CPSF3: variants seen among roughly 807,000 people sequenced by gnomAD.
CPSF3 encodes the protein cleavage and polyadenylation specificity factor subunit 3.
A neutral mutation model predicts 84.1 loss-of-function variants in CPSF3; 57 were observed. The ratio of observed to expected loss-of-function variants is 0.68; its 90% CI spans 0.55 to 0.85. CPSF3 has a LOEUF of 0.85. Among genes scored for constraint, CPSF3 ranks in the 40% least tolerant of loss-of-function variants. CPSF3 has a pLI of 0.00. For synonymous variants in CPSF3, 275 were observed against 278.1 expected (o/e 0.99, Z 0.11); for missense variants, 522 against 838.8 (o/e 0.62, Z 4.66).
At chr2:9,442,030 G>C in intron 9 of CPSF3, 54 bp downstream of exon 9, 1 of 1,571,398 alleles carries the variant, frequency 6.4e-7, no homozygotes, top group Non-Finnish European at 8.7e-7. Flanking sequence ...CACGGAGGTG[G>C]CACGGTCCTC....
At chr2:9,459,781 T>G (rs1049439833) in intron 15 of CPSF3, among the ~76,000 whole-genome samples, 163 bp downstream of exon 15, 1 of 151,230 alleles carries the variant, frequency 6.6e-6, no homozygotes, top group Non-Finnish European at 1.5e-5. Flanking sequence ...TCCCAAGGTG[T>G]TGGGATTATA....
intron 8 of CPSF3, 71 bp downstream of exon 8, chr2:9,440,737 C>G: frequency 6.8e-7 from 1 of 1,471,826 alleles, no homozygotes; most frequent in Non-Finnish European, 9.4e-7. Flanking sequence ...AGGTACGAGG[C>G]CGTGAGTGAT....
At chr2:9,470,854 GCTGTGTATTTTCC>G (rs534690098) in intron 16 of CPSF3, among the ~76,000 whole-genome samples, 10 of 152,340 alleles carry the variant, frequency 6.6e-5, no homozygotes, top group Admixed American at 2.0e-4. Flanking sequence ...CTTGAATAAA[GCTGTGTATTTTCC>G]CTGTTTTATA....
In CPSF3 at chr2:9,448,343, T is replaced by A. The variant is rs1681193837; in HGVS notation, c.1388T>A (p.Leu463Gln). The A allele has an allele frequency of 6.2e-7, 1 of 1,611,358 alleles. No individual in the cohort carries two copies. The part of the protein sequence containing the change: ...AVTLNFRGEK[L>Q]AKVMGFLADK... ...ACCTTAAACTTCAGAGGAGAAAAAC[T>A]AGCCAAGGTAAAAGGTTATGGTTCC... The change falls in exon 11 of 18, where the codon CTA (leucine) becomes CAA (glutamine). Residue 463 changes from leucine (L) to glutamine (Q), a missense_variant. Coordinates refer to ENST00000238112, the MANE Select transcript of CPSF3 (RefSeq NM_016207.4).
In CPSF3 at chr2:9,459,638, CTTTTTTTTTTTTTTTTTT is replaced by C. The variant is rs543727439; in HGVS notation, c.1786+31_1786+48del. 1.4e-4 allele frequency: 43 copies of C among 310,492 alleles called. No individual in the cohort carries two copies. Among genetic ancestry groups the C allele is most frequent in the Non-Finnish European group, 2.2e-4 (40 of 181,686 alleles). The allele number at this position is 310,492 out of a possible 1,614,324, so 19.2% of individuals were successfully genotyped here. A position where few individuals can be genotyped will look rare whatever the true frequency, so the allele number is the denominator to read the frequency against. On this transcript the variant is annotated intron_variant, in intron 15 of 17. Coordinates refer to ENST00000238112, the MANE Select transcript of CPSF3 (RefSeq NM_016207.4). ...GAAAAGGTAAGAGTTCATTTTTATC[CTTTTTTTTTTTTTTTTTT>C]TTTTTTTTTTGGAGACGGATACTAG...
At chr2:9,455,411 G>C (rs1243948940) in intron 12 of CPSF3, among the ~76,000 whole-genome samples, 1 of 152,156 alleles carries the variant, frequency 6.6e-6, no homozygotes. Flanking sequence ...TGGGATTACA[G>C]GCATGAGCCA....
intron 15 of CPSF3, among the ~76,000 whole-genome samples, chr2:9,466,382 GCACACACGCGCACACA>G (rs1320122710): frequency 4.2e-5 from 3 of 70,668 alleles, no homozygotes; most frequent in Non-Finnish European, 8.3e-5. Context: ...CCACGCACTC[GCACACACGCGCACACA>G]CACGCACGCG....
chr2:9,456,598 C>G (rs1681538517), intron 13 of CPSF3, among the ~76,000 whole-genome samples: 2 of 152,174 alleles, frequency 1.3e-5, no homozygotes, highest in Non-Finnish European at 1.5e-5. Context: ...ATGAAACTAG[C>G]TGGCAACAAT....
intron 16 of CPSF3, 80 bp downstream of exon 16, chr2:9,467,856 A>G: frequency 8.8e-7 from 1 of 1,139,826 alleles, no homozygotes; most frequent in Non-Finnish European, 1.3e-6. Context: ...TGACTCCTTC[A>G]AGGACTGGGG....
intron 15 of CPSF3, among the ~76,000 whole-genome samples, chr2:9,461,827 T>C (rs2124860726): frequency 7.0e-6 from 1 of 143,552 alleles, no homozygotes; most frequent in Admixed American, 7.0e-5. Flanking sequence ...AGTGGCACCA[T>C]CTCGGCTCAC....
At chr2:9,440,864 A>G (rs1312757357) in intron 8 of CPSF3, among the ~76,000 whole-genome samples, 198 bp downstream of exon 8, 3 of 152,270 alleles carry the variant, frequency 2.0e-5, no homozygotes, top group Non-Finnish European at 4.4e-5. Context: ...AAAATAAAAT[A>G]AAAATCGTAG....
At chr2:9,450,581 A>G (rs1319207949) in intron 11 of CPSF3, among the ~76,000 whole-genome samples, 1 of 151,964 alleles carries the variant, frequency 6.6e-6, no homozygotes, top group African/African-American at 2.4e-5. Context: ...TGAGATCAGG[A>G]GTTCGAGACC....
chr2:9,468,236 A>AT (rs1682041612), intron 16 of CPSF3, among the ~76,000 whole-genome samples: 5 of 151,838 alleles, frequency 3.3e-5, no homozygotes, highest in African/African-American at 1.2e-4. Context: ...ATTTTATTTT[A>AT]TTTCTATTTT....
At chr2:9,472,476 T>TG (rs1682205055) in intron 17 of CPSF3, among the ~76,000 whole-genome samples, 1 of 152,136 alleles carries the variant, frequency 6.6e-6, no homozygotes, top group African/African-American at 2.4e-5. Flanking sequence ...GATCAAACTG[T>TG]GGGCTTTGAT....
chr2:9,460,628 A>G lies in CPSF3; in HGVS notation c.1786+1010A>G, dbSNP rs1681698823. Among the ~76,000 whole-genome samples, 6 of 150,546 alleles carry G rather than the reference A, an allele frequency of 4.0e-5. No individual in the cohort carries two copies. In the South Asian group the frequency reaches 1.3e-3, roughly 32 times the overall value. ...ATTTTTGTGTTACTTCTTTGATTCT[A>G]TTTTATACTTAAGTCAGCATAATAT... On this transcript the variant is annotated intron_variant, in intron 15 of 17. Coordinates refer to ENST00000238112, the MANE Select transcript of CPSF3 (RefSeq NM_016207.4).
chr2:9,426,892 CTG>C (rs1052086563), intron 1 of CPSF3, among the ~76,000 whole-genome samples: 3 of 95,804 alleles, frequency 3.1e-5, no homozygotes, highest in Non-Finnish European at 7.0e-5. Flanking sequence ...AAAAAAAAGA[CTG>C]AAATGACTAC....
At chr2:9,439,818 C>G (rs1474112201) in intron 7 of CPSF3, among the ~76,000 whole-genome samples, 3 of 151,008 alleles carry the variant, frequency 2.0e-5, no homozygotes, top group Non-Finnish European at 4.4e-5. Context: ...GAGACCCAGT[C>G]TCAAAAAAAA....
intron 15 of CPSF3, among the ~76,000 whole-genome samples, chr2:9,466,068 T>C (rs1004374718): frequency 6.6e-6 from 1 of 152,146 alleles, no homozygotes; most frequent in African/African-American, 2.4e-5. Context: ...AGGCCAGACA[T>C]GGTGGCTCAC....
chr2:9,431,522 T>TAA (rs768797963), intron 4 of CPSF3, among the ~76,000 whole-genome samples: 1 of 144,662 alleles, frequency 6.9e-6, no homozygotes, highest in Non-Finnish European at 1.5e-5. Flanking sequence ...GATAAATAAA[T>TAA]ATACATATTT....
Sources: allele counts gnomAD v4.1 joint callset (sites outside exome capture counted in the v4.1 genomes callset), GRCh38; gene constraint gnomAD v4.1.1; transcripts MANE v1.5; gene names NCBI Gene and HGNC (gene_info 2026-07-23, HGNC 2026-07-21).